The following CCPG1 variants were observed in gnomAD, a reference collection of about 807,000 sequenced individuals.
CCPG1 encodes cell cycle progression 1, also known as cell cycle progression protein 1.
CCPG1 carries 46 observed loss-of-function variants against 81.3 expected under a neutral mutation model. The observed-to-expected ratio is 0.57, with a 90% CI of 0.45 to 0.72. CCPG1 has a LOEUF of 0.72. Ranked by LOEUF, CCPG1 falls within the 30% of genes least tolerant of loss-of-function variation. The pLI is 0.00. For synonymous variants in CCPG1, 330 were observed against 305.2 expected (o/e 1.08, Z -0.85); for missense variants, 902 against 937.6 (o/e 0.96, Z 0.50).
At chr15:55,386,055 A>C (rs887500076) in intron 2 of CCPG1, among the ~76,000 whole-genome samples, 5 of 152,136 alleles carry the variant, frequency 3.3e-5, no homozygotes, top group African/African-American at 1.2e-4. Flanking sequence ...TTATGGAACT[A>C]CTCTAGACAA....
chr15:55,403,068 C>G (rs1005243755), intron 1 of CCPG1, among the ~76,000 whole-genome samples: 1 of 152,142 alleles, frequency 6.6e-6, no homozygotes, highest in African/African-American at 2.4e-5. Context: ...AAGTATTTAT[C>G]ACATCAAGGC....
rs528138120 is a variant in CCPG1, at chr15:55,403,329, T to C, written c.-10+4892A>G. 3.9e-5 allele frequency among the ~76,000 whole-genome samples: 6 copies of C among 152,162 alleles called. No homozygotes were observed. In the South Asian group the frequency reaches 1.2e-3, roughly 32 times the overall value. ...TTTCCAACCTAATGCTCTTTTTACATTTCAACATGCTGGCAATATGAACCA... is the reference window on the plus strand; with the variant it reads ...TTTCCAACCTAATGCTCTTTTTACACTTCAACATGCTGGCAATATGAACCA... On this transcript the variant is annotated intron_variant, in intron 1 of 8. Coordinates refer to ENST00000442196, the MANE Select transcript of CCPG1 (RefSeq NM_001204450.2).
chr15:55,388,141 GACA>G (rs989366236), intron 2 of CCPG1, among the ~76,000 whole-genome samples: 2 of 151,740 alleles, frequency 1.3e-5, no homozygotes, highest in South Asian at 2.1e-4. Context: ...CGACAGCCTG[GACA>G]ACAAGAGCAA....
chr15:55,365,100 C>A (rs1203669954), intron 7 of CCPG1, 88 bp downstream of exon 7: 15 of 738,362 alleles, frequency 2.0e-5, no homozygotes, highest in Non-Finnish European at 2.9e-5. Flanking sequence ...TACTGATTTA[C>A]TAATCTGCAC....
At chr15:55,389,469 ATTT>A in intron 1 of CCPG1, 36 bp from the exon 2 acceptor site, 1 of 1,414,330 alleles carries the variant, frequency 7.1e-7, no homozygotes, top group Non-Finnish European at 1.0e-6. Flanking sequence ...CATGAGACAC[ATTT>A]TTTTTAATTC....
chr15:55,379,351 T>C (rs2056632659), intron 3 of CCPG1, among the ~76,000 whole-genome samples: 1 of 151,750 alleles, frequency 6.6e-6, no homozygotes, highest in South Asian at 2.1e-4. Context: ...AGCAAGACCC[T>C]GTCTCTACAA....
In CCPG1 at chr15:55,406,438, TTTTTTTTTTTTG is replaced by T. The variant is rs1304001376; in HGVS notation, c.-10+1771_-10+1782del. 2.0e-4 allele frequency among the ~76,000 whole-genome samples: 19 copies of T among 96,908 alleles called. No individual in the cohort carries two copies. The East Asian group carries it at 2.7e-3, about 14-fold the overall frequency. The allele number at this position is 96,908 out of a possible 152,430, so 63.6% of individuals were successfully genotyped here. On this transcript the variant is annotated intron_variant, in intron 1 of 8. Transcript: ENST00000442196. ...TTATTTCTTTTCTTTCTTTTTCTCT[TTTTTTTTTTTTG>T]TTTTTTTTTTTTTGTTTTTTTGAGA...
At chr15:55,358,049 A>T (rs1319908537) in intron 8 of CCPG1, 1 of 152,196 alleles carries the variant, frequency 6.6e-6, no homozygotes, top group East Asian at 1.9e-4. Context: ...GTTTGTGTTC[A>T]AGTATCCCTA....
At position 55,387,511 on chromosome 15, in the gene CCPG1, C is replaced by G. The variant is rs796281669; in HGVS notation, c.61-1797G>C. 4.7e-4 allele frequency among the ~76,000 whole-genome samples: 72 copies of G among 152,194 alleles called. 1 individual carries two copies. Among genetic ancestry groups the G allele is most frequent in the African/African-American group, 1.7e-3 (71 of 41,530 alleles). On this transcript the variant is annotated intron_variant, in intron 2 of 8. Transcript: ENST00000442196. ...GTTTTCTAAACATAACTACCTGAAC[C>G]TTAACTAATAGTTTAAAAAACAAAA... is the stretch of plus-strand genomic sequence containing the variant.
chr15:55,360,576 T>G lies in CCPG1; in HGVS notation c.1197A>C (p.Glu399Asp), dbSNP rs368384461. The G allele has an allele frequency of 8.1e-6, 13 of 1,613,910 alleles. No homozygotes were observed. The highest frequency in any genetic ancestry group is 1.0e-5 in the Non-Finnish European group (12 of 1,180,006). ...ERLVTTALRG[E>D]LQQLSGSQLH... Reference sequence around the variant, plus strand: ...ACTGACTACCACTTAACTGCTGGAGTTCCCCCCTTAAAGCCGTAGTTACTA... The same window carrying G: ...ACTGACTACCACTTAACTGCTGGAGGTCCCCCCTTAAAGCCGTAGTTACTA... The change falls in exon 8 of 9, where the codon GAA (glutamate) becomes GAC (aspartate). Residue 399 changes from glutamate to aspartate, a missense_variant. By Grantham distance (45) the Glu-to-Asp change is conservative. This residue lies in a region of CCPG1 where 746 missense variants were observed against 728.6 expected (regional missense o/e 1.02). Transcript: ENST00000442196.
Position 55,377,099 on chromosome 15 carries a change from C to T in CCPG1, c.304G>A (p.Asp102Asn). ...TCAAGGGTAACAATATCAGAATCAT[C>T]ACTGGCAGTTCCAATATAGATACTG... ...EDSIYIGTAS[D>N]DSDIVTLEPP... The change falls in exon 5 of 9, where the codon GAT becomes AAT. Residue 102 changes from aspartate (D) to asparagine (N), a missense_variant. Coordinates refer to ENST00000442196, the MANE Select transcript of CCPG1 (RefSeq NM_001204450.2). 1 of 1,613,810 alleles carries T rather than the reference C, an allele frequency of 6.2e-7. No individual in the cohort carries two copies. The highest frequency in any genetic ancestry group is 8.5e-7 in the Non-Finnish European group (1 of 1,179,780).
intron 1 of CCPG1, among the ~76,000 whole-genome samples, chr15:55,407,346 C>T (rs2057255558): frequency 9.4e-6 from 1 of 106,268 alleles, no homozygotes; most frequent in Non-Finnish European, 1.8e-5. Context: ...GATAAATATC[C>T]CCTGAGACGT....
At chr15:55,404,233 G>A (rs541798998) in intron 1 of CCPG1, among the ~76,000 whole-genome samples, 202 of 151,196 alleles carry the variant, frequency 1.3e-3, no homozygotes, top group African/African-American at 4.6e-3. Context: ...GAAAAACAAC[G>A]TGTTACCAGT....
rs773478814 is a variant in CCPG1 at position 55,359,866 on chromosome 15, G to A, written c.1907C>T (p.Ala636Val). The A allele has an allele frequency of 6.2e-7, 1 of 1,613,704 alleles. No homozygotes were observed. Among genetic ancestry groups the A allele is most frequent in the South Asian group, 1.1e-5 (1 of 91,058 alleles). ...AAAAAGGCTCATGGACTCTTGTTGA[G>A]CACAATCAAATACACCAGAACAAGC... ...RKACSGVFDC[A>V]QQESMSLFNT... The change falls in exon 8 of 9, where the codon GCT becomes GTT. Residue 636 changes from alanine to valine, a missense_variant. Ala to Val is a moderately conservative substitution (Grantham distance 64). This residue lies in a region of CCPG1 where 746 missense variants were observed against 728.6 expected (regional missense o/e 1.02). Coordinates refer to ENST00000442196, the MANE Select transcript of CCPG1 (RefSeq NM_001204450.2).
At chr15:55,382,724 T>C (rs1011038120) in intron 3 of CCPG1, among the ~76,000 whole-genome samples, 9 of 152,270 alleles carry the variant, frequency 5.9e-5, no homozygotes, top group African/African-American at 2.2e-4. Context: ...TGAGCCAGGA[T>C]GGTCTCGATC....
chr15:55,384,369 A>G (rs2056759550), intron 3 of CCPG1, among the ~76,000 whole-genome samples: 1 of 152,170 alleles, frequency 6.6e-6, no homozygotes, highest in Admixed American at 6.6e-5. Context: ...TTGAAATATG[A>G]CAATTACAGG....
At chr15:55,375,248 C>A (rs952288542) in intron 5 of CCPG1, among the ~76,000 whole-genome samples, 1 of 151,882 alleles carries the variant, frequency 6.6e-6, no homozygotes, top group Non-Finnish European at 1.5e-5. Context: ...GGATTACAGG[C>A]GTGAGCCACC....
chr15:55,384,208 G>A (rs1314222607), intron 3 of CCPG1, among the ~76,000 whole-genome samples: 1 of 152,150 alleles, frequency 6.6e-6, no homozygotes, highest in African/African-American at 2.4e-5. Flanking sequence ...TGGGGGAATG[G>A]CAAGTCAGTA....
intron 7 of CCPG1, among the ~76,000 whole-genome samples, chr15:55,364,933 C>T (rs2056291176): frequency 6.6e-6 from 1 of 152,162 alleles, no homozygotes; most frequent in South Asian, 2.1e-4. Flanking sequence ...TTGAGAAAGT[C>T]ACTTAACTTT....
Sources: gnomAD v4.1 joint callset for allele counts (sites outside exome capture counted in the v4.1 genomes callset) on GRCh38, gnomAD v4.1.1 for gene constraint, gnomAD v4.1.1 regional missense constraint, MANE v1.5 for transcripts, NCBI Gene and HGNC (gene_info 2026-07-23, HGNC 2026-07-21) for gene names.